The following HS1BP3 variants were observed in gnomAD, a reference collection of about 807,000 sequenced individuals.
HS1BP3 encodes the protein HCLS1-binding protein 3.
In HS1BP3, 32 loss-of-function variants were observed where a neutral mutation model predicts 33.5. That is an observed-to-expected ratio of 0.95 (90% CI 0.72 to 1.28). The LOEUF (loss-of-function observed/expected upper bound fraction) is 1.28, where lower values mean the gene tolerates loss of function less well. Ranked by LOEUF, HS1BP3 falls within the 50% of genes most tolerant of loss-of-function variation. The pLI, the probability that HS1BP3 is intolerant of heterozygous loss-of-function variation, is 0.00. For missense variants in HS1BP3, 486 were observed against 502.3 expected (o/e 0.97, Z 0.31); for synonymous variants, 187 against 209.2 (o/e 0.89, Z 0.92).
intron 1 of HS1BP3, among the ~76,000 whole-genome samples, chr2:20,646,691 C>T (rs1371902710): frequency 1.3e-5 from 2 of 152,264 alleles, no homozygotes; most frequent in Non-Finnish European, 2.9e-5. Context: ...ACAGCCAGCC[C>T]TCTGCCAACG....
intron 2 of HS1BP3, among the ~76,000 whole-genome samples, chr2:20,600,833 T>C (rs1382683903): frequency 1.3e-5 from 2 of 152,164 alleles, no homozygotes; most frequent in African/African-American, 4.8e-5. Context: ...TATAAAAAAA[T>C]ATATATTTCT....
chr2:20,575,144 G>C (rs1326386087), intron 5 of HS1BP3, among the ~76,000 whole-genome samples: 1 of 152,220 alleles, frequency 6.6e-6, no homozygotes, highest in Non-Finnish European at 1.5e-5. Flanking sequence ...TTGGGCATTT[G>C]TTTGGATTTC....
chr2:20,615,705 C>T (rs1217410688), downstream of HS1BP3, among the ~76,000 whole-genome samples: 1 of 152,218 alleles, frequency 6.6e-6, no homozygotes, highest in East Asian at 1.9e-4. Context: ...ATCAGCCTGA[C>T]ACCGGGTATT....
intron 4 of HS1BP3, among the ~76,000 whole-genome samples, chr2:20,633,824 C>T (rs748710069): frequency 2.6e-5 from 4 of 152,218 alleles, no homozygotes; most frequent in South Asian, 2.1e-4. Context: ...CGTCCGGCCA[C>T]GGCAGTAATC....
intron 5 of HS1BP3, among the ~76,000 whole-genome samples, chr2:20,587,000 T>C (rs944394257): frequency 1.3e-5 from 2 of 152,218 alleles, no homozygotes; most frequent in East Asian, 1.9e-4. Flanking sequence ...CAGGGGCAAC[T>C]CTTTTGGAAA....
At chr2:20,582,803 T>C (rs1240186183) in intron 5 of HS1BP3, among the ~76,000 whole-genome samples, 1 of 152,088 alleles carries the variant, frequency 6.6e-6, no homozygotes, top group Non-Finnish European at 1.5e-5. Flanking sequence ...GGAAGGGCAG[T>C]GTCACACAGG....
chr2:20,608,467 G>A (rs1694246246), intron 2 of HS1BP3, among the ~76,000 whole-genome samples: 2 of 151,268 alleles, frequency 1.3e-5, no homozygotes, highest in Middle Eastern at 3.2e-3. Flanking sequence ...CCAGCTACTT[G>A]GGAGACTGAA....
downstream of HS1BP3, among the ~76,000 whole-genome samples, chr2:20,557,606 T>C (rs1389415817): frequency 6.6e-6 from 1 of 152,198 alleles, no homozygotes; most frequent in Non-Finnish European, 1.5e-5. Flanking sequence ...TTATCTACTA[T>C]CAGGAGTGGA....
At chr2:20,598,897 T>C (rs1382038109) in intron 2 of HS1BP3, among the ~76,000 whole-genome samples, 2 of 152,184 alleles carry the variant, frequency 1.3e-5, no homozygotes, top group African/African-American at 2.4e-5. Flanking sequence ...TTTATATTCT[T>C]CTTGTAAACT....
intron 5 of HS1BP3, 122 bp downstream of exon 5, chr2:20,624,610 A>G (rs2149292070): frequency 1.1e-6 from 1 of 901,002 alleles, no homozygotes; most frequent in Non-Finnish European, 1.7e-6. Flanking sequence ...AGTCTATATC[A>G]CATCTAAACA....
chr2:20,585,243 G>A (rs1394568587), intron 5 of HS1BP3, among the ~76,000 whole-genome samples: 1 of 152,182 alleles, frequency 6.6e-6, no homozygotes, highest in African/African-American at 2.4e-5. Context: ...TCACAAGCAC[G>A]GCTCACATCA....
At chr2:20,614,916 G>C (rs1049939137), downstream of HS1BP3, among the ~76,000 whole-genome samples, 1 of 152,252 alleles carries the variant, frequency 6.6e-6, no homozygotes, top group Non-Finnish European at 1.5e-5. Context: ...GCACAGGAGT[G>C]AGAGGCCAGC....
chr2:20,626,788 C>T (rs1345217090), intron 4 of HS1BP3, among the ~76,000 whole-genome samples: 1 of 152,202 alleles, frequency 6.6e-6, no homozygotes, highest in Admixed American at 6.5e-5. Context: ...ATTCTCCACC[C>T]TAAGGGCAAG....
chr2:20,595,867 A>G (rs1693931628), intron 3 of HS1BP3, among the ~76,000 whole-genome samples: 1 of 151,876 alleles, frequency 6.6e-6, no homozygotes, highest in African/African-American at 2.4e-5. Flanking sequence ...CCAAGTGGCC[A>G]AAAAAAAGGT....
At chr2:20,598,220 T>G (rs1162340920) in exon 3 of HS1BP3, 2 of 407,446 alleles carry the variant, frequency 4.9e-6, no homozygotes, top group Non-Finnish European at 1.0e-5. Context: ...TAATGTAGAA[T>G]CAGTGGGAGC....
At chr2:20,615,604 G>T (rs1442834495), downstream of HS1BP3, among the ~76,000 whole-genome samples, 1 of 152,226 alleles carries the variant, frequency 6.6e-6, no homozygotes, top group Non-Finnish European at 1.5e-5. Flanking sequence ...ACTATGTGGG[G>T]ACATGCTGGT....
At position 20,584,620 on chromosome 2, in the gene HS1BP3, C is replaced by T. The variant is rs533642795; in HGVS notation, c.303-24105G>A. On this transcript the variant is annotated intron_variant, in intron 5 of 5. Transcript: ENST00000446825. ...TGACTCTCCTTGAAAGATGCAGAAG[C>T]TGATCCAGGGCTTCTTGGTTTGGTC... Among the ~76,000 whole-genome samples, 6 of 152,312 alleles carry T rather than the reference C, an allele frequency of 3.9e-5. No individual in the cohort carries two copies. In the South Asian group the frequency reaches 1.0e-3, roughly 26 times the overall value.
Position 20,641,117 on chromosome 2 carries a change from C to A in HS1BP3, c.262G>T (p.Ala88Ser), listed in dbSNP as rs1428312665. Residue 88 changes from alanine to serine, a missense_variant, in exon 3 of 7, where the codon GCC (alanine) becomes TCC (serine). Ala to Ser is a moderately conservative substitution (Grantham distance 99). Coordinates refer to ENST00000304031, the MANE Select transcript of HS1BP3 (RefSeq NM_022460.4). Reference sequence around the variant, plus strand: ...TTCCTGGGTAGTGGGGGGAGGCTGGCTGCTGCATAACGACTGCTCAGTTTC... The same window carrying A: ...TTCCTGGGTAGTGGGGGGAGGCTGGATGCTGCATAACGACTGCTCAGTTTC... ...YQKLSSRYAA[A>S]SLPPLPRKVL... 1.2e-6 allele frequency: 2 copies of A among 1,613,124 alleles called. No individual in the cohort carries two copies. The highest frequency in any genetic ancestry group is 3.3e-5 in the Admixed American group (2 of 60,006).
In HS1BP3 at chr2:20,594,700, G is replaced by A. The variant is rs114155642; in HGVS notation, c.*13-1906C>T. On this transcript the variant is annotated intron_variant, in intron 3 of 3. Transcript: ENST00000415264. ...ATTCAGGCTGCTACAACAAAATACCGTGGATGGGGTGGCTTAGAAATGGCA... is the reference window on the plus strand; with the variant it reads ...ATTCAGGCTGCTACAACAAAATACCATGGATGGGGTGGCTTAGAAATGGCA... 5.4e-3 allele frequency among the ~76,000 whole-genome samples: 822 copies of A among 152,274 alleles called. 2 individuals are homozygous for A. The highest frequency in any genetic ancestry group is 0.018 in the African/African-American group (761 of 41,540).
Sources: gnomAD v4.1 joint callset for allele counts (sites outside exome capture counted in the v4.1 genomes callset) on GRCh38, gnomAD v4.1.1 for gene constraint, MANE v1.5 for transcripts, NCBI Gene and HGNC (gene_info 2026-07-23, HGNC 2026-07-21) for gene names.